The following MAGEC3 variants were observed in gnomAD, a reference collection of about 807,000 sequenced individuals.
MAGEC3 encodes melanoma-associated antigen C3.
In MAGEC3, 34 loss-of-function variants were observed where a neutral mutation model predicts 35.3. The observed-to-expected ratio is 0.96, with a 90% CI of 0.73 to 1.28. The LOEUF is 1.28. MAGEC3 is among the 50% of genes most tolerant of loss of function. MAGEC3 has a pLI of 0.00. For synonymous variants in MAGEC3, 202 were observed against 185.6 expected, an observed-to-expected ratio of 1.09 and a Z score of -0.72; for missense variants, 561 against 483.6, an observed-to-expected ratio of 1.16 and a Z score of -1.50.
intron 4 of MAGEC3, among the ~76,000 whole-genome samples, chrX:141,885,663 CAAAAAA>C (rs35973319): frequency 2.4e-5 from 1 of 41,000 alleles, no homozygotes; most frequent in Non-Finnish European, 3.7e-5. Context: ...GACTTCGTCT[CAAAAAA>C]AAAAAAAAAA....
chrX:141,897,172 C>T lies in MAGEC3; in HGVS notation c.1414C>T (p.Gln472Ter), dbSNP rs1210749310. ...ELVQFLLLKY[Q>*]TKEPVTKAEM... ...GGTGCAGTTTCTTCTCCTCAAATAT[C>T]AAACAAAAGAGCCTGTCACAAAGGC... is the stretch of plus-strand genomic sequence containing the variant. Residue 472 changes from glutamine to a stop codon, truncating the protein, a stop_gained, in exon 7 of 8, where the codon CAA (glutamine) becomes TAA (stop). Transcript: ENST00000298296. LOFTEE classifies it high-confidence loss of function. The T allele has an allele frequency of 3.3e-6, 4 of 1,211,914 alleles. No homozygotes were observed. The highest frequency in any genetic ancestry group is 4.5e-6 in the Non-Finnish European group (4 of 895,546).
intron 1 of MAGEC3, among the ~76,000 whole-genome samples, chrX:141,863,455 A>G (rs916218666): frequency 5.4e-5 from 6 of 111,770 alleles, no homozygotes; most frequent in Non-Finnish European, 9.4e-5. Context: ...AATGAACCCT[A>G]GCTAAATTGT....
At chrX:141,874,839 A>G (rs2017910500) in intron 2 of MAGEC3, among the ~76,000 whole-genome samples, 1 of 110,352 alleles carries the variant, frequency 9.1e-6, no homozygotes, top group African/African-American at 3.3e-5. Context: ...AAAGTAGATA[A>G]AGAAAACACA....
At chrX:141,872,980 C>G (rs1353994179) in intron 2 of MAGEC3, among the ~76,000 whole-genome samples, 3 of 112,145 alleles carry the variant, frequency 2.7e-5, no homozygotes, top group Non-Finnish European at 5.6e-5. Flanking sequence ...GCAAGAGAGC[C>G]TTTGCCCCCA....
chrX:141,864,504 C>T (rs1200930125), intron 1 of MAGEC3, among the ~76,000 whole-genome samples: 1 of 110,396 alleles, frequency 9.1e-6, no homozygotes, highest in Admixed American at 9.6e-5. Flanking sequence ...GGCGATTATC[C>T]TTAGGAAACT....
At chrX:141,894,121 C>G (rs952229967) in intron 4 of MAGEC3, among the ~76,000 whole-genome samples, 5 of 111,700 alleles carry the variant, frequency 4.5e-5, no homozygotes, top group Non-Finnish European at 7.5e-5. Flanking sequence ...GAACTGCAAA[C>G]AGAGCATAGT....
Position 141,893,642 on chromosome X carries a change from C to CTGTGTGTGTG in MAGEC3, c.910-1603_910-1594dup, listed in dbSNP as rs770042816. Among the ~76,000 whole-genome samples the CTGTGTGTGTG allele has an allele frequency of 6.5e-4, 55 of 85,115 alleles. 1 individual carries two copies. The highest frequency in any genetic ancestry group is 2.5e-3 in the Admixed American group (18 of 7,294). The allele number at this position is 85,115 out of a possible 115,157, so 73.9% of individuals were successfully genotyped here. On this transcript the variant is annotated intron_variant, in intron 4 of 7. Coordinates refer to ENST00000298296, the MANE Select transcript of MAGEC3 (RefSeq NM_138702.1). The stretch of plus-strand genomic sequence containing the variant: ...TACAAAATATAAATAATAGGAGACA[C>CTGTGTGTGTG]TGTGTGTGTGTGTGTGTGTGTGTGT...
In MAGEC3 at chrX:141,897,349, C is replaced by T. The variant is rs2018110212; in HGVS notation, c.1591C>T (p.Leu531Phe). Reference protein sequence around the residue: ...HSYFFEDTLDLTYEGSLIDDQ... With the variant: ...HSYFFEDTLDFTYEGSLIDDQ... The stretch of plus-strand genomic sequence containing the variant: ...CTATTTCTTTGAAGACACATTAGAC[C>T]TCACCTATGAGGGAAGCCTGATTGA... The change falls in exon 7 of 8, where the codon CTC (leucine) becomes TTC (phenylalanine). Residue 531 changes from leucine (L) to phenylalanine (F), a missense_variant. Physicochemically the swap from Leu to Phe is conservative, Grantham distance 22 (BLOSUM62 0). Coordinates refer to ENST00000298296, the MANE Select transcript of MAGEC3 (RefSeq NM_138702.1). 1.7e-6 allele frequency: 2 copies of T among 1,211,805 alleles called. No homozygotes were observed. Among genetic ancestry groups the T allele is most frequent in the East Asian group, 5.9e-5 (2 of 33,823 alleles).
intron 1 of MAGEC3, among the ~76,000 whole-genome samples, chrX:141,842,973 A>C (rs1462606880): frequency 8.9e-6 from 1 of 112,445 alleles, no homozygotes; most frequent in Non-Finnish European, 1.9e-5. Context: ...TGTTTGACAC[A>C]CACATTGTGG....
At chrX:141,895,618 C>T in intron 6 of MAGEC3, 59 bp downstream of exon 6, 1 of 1,066,779 alleles carries the variant, frequency 9.4e-7, no homozygotes, top group Non-Finnish European at 1.2e-6. Flanking sequence ...GGAACCCCCA[C>T]CTCAGAGGAC....
chrX:141,895,139 G>A, intron 4 of MAGEC3, 130 bp from the exon 5 acceptor site: 3 of 770,350 alleles, frequency 3.9e-6, no homozygotes, highest in South Asian at 2.5e-5. Context: ...AAGGGGTCGG[G>A]GGGCGCTGAG....
chrX:141,838,961 G>A, intron 1 of MAGEC3: 2 of 516,252 alleles, frequency 3.9e-6, no homozygotes, highest in Non-Finnish European at 4.7e-6. Context: ...CTCAAGAAGT[G>A]TGAGGGACCC....
chrX:141,856,616 G>C (rs953706418), intron 1 of MAGEC3, among the ~76,000 whole-genome samples: 2 of 111,193 alleles, frequency 1.8e-5, no homozygotes, highest in Non-Finnish European at 3.8e-5. Flanking sequence ...CATGTTCATT[G>C]CAGCATTATT....
chrX:141,872,439 G>A (rs751030270), intron 2 of MAGEC3, among the ~76,000 whole-genome samples: 3 of 111,057 alleles, frequency 2.7e-5, no homozygotes, highest in Non-Finnish European at 5.7e-5. Flanking sequence ...AGAAGACAGA[G>A]ACCCAGAATC....
In MAGEC3 at chrX:141,895,350, GA is replaced by G. The variant is rs1946957140; in HGVS notation, c.992del (p.Glu331GlyfsTer13). 8.3e-7 allele frequency: 1 copy of G among 1,208,178 alleles called. No homozygotes were observed. Among genetic ancestry groups the G allele is most frequent in the Non-Finnish European group, 1.1e-6 (1 of 894,641 alleles). The part of the protein sequence containing the change: ...WESEGPEAFC[E>X]ESGLRSAEGS... Reference sequence around the variant, plus strand: ...GTCTGAAGGACCTGAAGCATTTTGCGAGGAGTCTGGACTCAGGTCAGCAGAG... The same window carrying G: ...GTCTGAAGGACCTGAAGCATTTTGCGGGAGTCTGGACTCAGGTCAGCAGAG... On this transcript the variant is annotated frameshift_variant, in exon 5 of 8. Coordinates refer to ENST00000298296, the MANE Select transcript of MAGEC3 (RefSeq NM_138702.1). LOFTEE classifies it high-confidence loss of function.
At chrX:141,851,655 T>C (rs1185223534) in intron 1 of MAGEC3, among the ~76,000 whole-genome samples, 1 of 111,021 alleles carries the variant, frequency 9.0e-6, no homozygotes, top group African/African-American at 3.3e-5. Flanking sequence ...ATTTTTTCCT[T>C]GTCCCAGACT....
chrX:141,870,887 C>A (rs761271048), intron 2 of MAGEC3, among the ~76,000 whole-genome samples: 1 of 112,337 alleles, frequency 8.9e-6, no homozygotes, highest in East Asian at 2.8e-4. Flanking sequence ...AAGCAGGTTA[C>A]AACCTTGAAA....
intron 2 of MAGEC3, among the ~76,000 whole-genome samples, chrX:141,872,578 C>T (rs5953633): frequency 0.019 from 2,103 of 111,094 alleles, 51 homozygotes; most frequent in African/African-American, 0.065. Context: ...CAGGAGAAAG[C>T]CAGGAGAAGG....
At chrX:141,881,289 T>G in intron 3 of MAGEC3, 114 bp from the exon 4 acceptor site, 1 of 881,291 alleles carries the variant, frequency 1.1e-6, no homozygotes, top group South Asian at 2.6e-5. Context: ...CTCCTGAGAG[T>G]CCTCCCCAGG....
Sources: gnomAD v4.1 joint callset for allele counts (sites outside exome capture counted in the v4.1 genomes callset) on GRCh38, gnomAD v4.1.1 for gene constraint, MANE v1.5 for transcripts, NCBI Gene and HGNC (gene_info 2026-07-23, HGNC 2026-07-21) for gene names.